ZFAND6: variants seen among roughly 807,000 people sequenced by gnomAD.
ZFAND6 encodes zinc finger AN1-type containing 6, also known as AN1-type zinc finger protein 6.
Under a neutral mutation model 24.5 loss-of-function variants are expected in ZFAND6, and 12 were observed. That is an observed-to-expected ratio of 0.49 (90% confidence interval 0.31 to 0.79). ZFAND6 has a LOEUF of 0.79. Ranked by LOEUF, ZFAND6 falls within the 30% of genes least tolerant of loss-of-function variation. The pLI, the probability that ZFAND6 is intolerant of heterozygous loss-of-function variation, is 0.04. For synonymous variants in ZFAND6, 92 were observed against 81.5 expected (o/e 1.13, Z -0.69); for missense variants, 207 against 245.9 (o/e 0.84, Z 1.06).
chr15:80,137,686 T>C lies in ZFAND6; in HGVS notation c.*58T>C. 6.7e-7 allele frequency: 1 copy of C among 1,495,228 alleles called. No homozygotes were observed. The highest frequency in any genetic ancestry group is 8.9e-7 in the Non-Finnish European group (1 of 1,127,828). 92.6% of individuals were successfully genotyped at this position (1,495,228 alleles called of 1,614,324 possible). A position where few individuals can be genotyped will look rare whatever the true frequency, so the allele number is the denominator to read the frequency against. ...TGCAAACTAAAAATTGACTTGAGGTTTTTTTTTTCCTAGTCATTGGGAATG... is the reference window on the plus strand; with the variant it reads ...TGCAAACTAAAAATTGACTTGAGGTCTTTTTTTTCCTAGTCATTGGGAATG... On this transcript the variant is annotated 3_prime_UTR_variant, in exon 7 of 7. Coordinates refer to ENST00000261749, the MANE Select transcript of ZFAND6 (RefSeq NM_019006.4).
chr15:80,097,673 A>AATAAATAC (rs71455303), intron 1 of ZFAND6, among the ~76,000 whole-genome samples: 77,814 of 150,010 alleles, frequency 0.52, 22,241 homozygotes, highest in Non-Finnish European at 0.65. Context: ...TAAATAAATA[A>AATAAATAC]ATACATACAT....
At chr15:80,121,363 C>T (rs1013368989) in intron 3 of ZFAND6, among the ~76,000 whole-genome samples, 1 of 152,096 alleles carries the variant, frequency 6.6e-6, no homozygotes, top group Non-Finnish European at 1.5e-5. Flanking sequence ...AATTCTGAAC[C>T]TATATTCTTC....
chr15:80,088,425 G>A (rs747974047), intron 1 of ZFAND6, among the ~76,000 whole-genome samples: 1 of 152,062 alleles, frequency 6.6e-6, no homozygotes, highest in Admixed American at 6.5e-5. Flanking sequence ...AAATTAGGGG[G>A]TGTGGTGGTG....
chr15:80,103,991 G>A (rs2039174761), intron 2 of ZFAND6, among the ~76,000 whole-genome samples: 1 of 152,150 alleles, frequency 6.6e-6, no homozygotes, highest in South Asian at 2.1e-4. Context: ...TGGGACCACA[G>A]CTGTGCACCA....
chr15:80,073,112 C>T (rs2037068970), intron 1 of ZFAND6, among the ~76,000 whole-genome samples: 2 of 151,808 alleles, frequency 1.3e-5, no homozygotes, highest in African/African-American at 2.4e-5. Flanking sequence ...CAGCACAGCA[C>T]CCCTTTTAAT....
chr15:80,120,545 A>G (rs1596304366), intron 3 of ZFAND6, 47 bp downstream of exon 3: 2 of 1,419,176 alleles, frequency 1.4e-6, no homozygotes, highest in Non-Finnish European at 1.9e-6. Flanking sequence ...TTGAAATACA[A>G]GTGGATATTT....
chr15:80,092,830 A>T (rs1216625818), intron 1 of ZFAND6, among the ~76,000 whole-genome samples: 2 of 152,180 alleles, frequency 1.3e-5, no homozygotes, highest in Non-Finnish European at 2.9e-5. Flanking sequence ...AAGAAGCAAA[A>T]ATGTTTCAAA....
chr15:80,081,845 G>T (rs930975338), intron 1 of ZFAND6, among the ~76,000 whole-genome samples: 3 of 152,208 alleles, frequency 2.0e-5, no homozygotes, highest in Non-Finnish European at 4.4e-5. Context: ...ATATTACTGA[G>T]TGCAAACTTG....
chr15:80,137,391 TA>T, intron 6 of ZFAND6, 88 bp from the exon 7 acceptor site: 1 of 1,424,622 alleles, frequency 7.0e-7, no homozygotes. Context: ...ATTGCTGCCC[TA>T]AATATATTGT....
At chr15:80,066,318 A>AT (rs921866100) in intron 1 of ZFAND6, among the ~76,000 whole-genome samples, 8 of 149,382 alleles carry the variant, frequency 5.4e-5, no homozygotes, top group African/African-American at 1.2e-4. Context: ...CTATCGAAAC[A>AT]TAAAAAAAAA....
intron 1 of ZFAND6, among the ~76,000 whole-genome samples, chr15:80,084,196 TC>T (rs771115667): frequency 3.2e-4 from 48 of 152,290 alleles, no homozygotes; most frequent in Middle Eastern, 3.4e-3. Flanking sequence ...GCAAATCAGT[TC>T]AGAGAGGCAA....
intron 5 of ZFAND6, among the ~76,000 whole-genome samples, chr15:80,128,046 TC>T (rs2040445995): frequency 6.6e-6 from 1 of 152,194 alleles, no homozygotes. Flanking sequence ...GTATGAGTGA[TC>T]CTTGAAAATA....
At chr15:80,064,525 A>G (rs1217021265) in intron 1 of ZFAND6, among the ~76,000 whole-genome samples, 2 of 152,054 alleles carry the variant, frequency 1.3e-5, no homozygotes, top group Non-Finnish European at 2.9e-5. Context: ...TAAACTTTTT[A>G]TATTTTTAGG....
At chr15:80,090,511 G>A (rs922675133) in intron 1 of ZFAND6, among the ~76,000 whole-genome samples, 1 of 152,138 alleles carries the variant, frequency 6.6e-6, no homozygotes, top group Non-Finnish European at 1.5e-5. Flanking sequence ...ATTTATCATG[G>A]GACCCCTCAA....
intron 1 of ZFAND6, among the ~76,000 whole-genome samples, chr15:80,065,458 C>T (rs1234174015): frequency 1.3e-5 from 2 of 151,688 alleles, no homozygotes; most frequent in East Asian, 1.9e-4. Flanking sequence ...CCCCCCATCC[C>T]CCTTTTTTGG....
At chr15:80,112,762 T>C (rs1449682087) in intron 2 of ZFAND6, 1 of 456,064 alleles carries the variant, frequency 2.2e-6, no homozygotes, top group Admixed American at 2.3e-5. Flanking sequence ...GTCTCTTTAT[T>C]ACCCATGTGA....
chr15:80,108,798 A>G (rs1034589663), intron 2 of ZFAND6, among the ~76,000 whole-genome samples: 29 of 151,628 alleles, frequency 1.9e-4, no homozygotes, highest in Middle Eastern at 3.4e-3. Flanking sequence ...TGGTGCAATC[A>G]TGGCTCACTG....
At chr15:80,064,576 A>G (rs2036509718) in intron 1 of ZFAND6, among the ~76,000 whole-genome samples, 1 of 147,612 alleles carries the variant, frequency 6.8e-6, no homozygotes, top group African/African-American at 2.5e-5. Context: ...AAATATACAT[A>G]TACACACAAA....
At chr15:80,083,821 C>T (rs1214173862) in intron 1 of ZFAND6, among the ~76,000 whole-genome samples, 1 of 152,092 alleles carries the variant, frequency 6.6e-6, no homozygotes, top group Non-Finnish European at 1.5e-5. Context: ...CAGATCATGC[C>T]ATTGCACTCC....
Sources: allele counts gnomAD v4.1 joint callset (sites outside exome capture counted in the v4.1 genomes callset), GRCh38; gene constraint gnomAD v4.1.1; transcripts MANE v1.5; gene names NCBI Gene and HGNC (gene_info 2026-07-23, HGNC 2026-07-21).